The following NCAPG variants were observed in gnomAD, a reference collection of about 807,000 sequenced individuals.
NCAPG encodes the protein condensin complex subunit 3.
NCAPG carries 69 observed loss-of-function variants against 113.1 expected under a neutral mutation model. That is an observed-to-expected ratio of 0.61 (90% CI 0.50 to 0.75). NCAPG has a LOEUF of 0.75. NCAPG is among the 30% of genes least tolerant of loss of function. NCAPG has a pLI of 0.00. For synonymous variants in NCAPG, 370 were observed against 415.8 expected, an observed-to-expected ratio of 0.89 and a Z score of 1.34; for missense variants, 1,058 against 1,177.0, an observed-to-expected ratio of 0.90 and a Z score of 1.48.
At chr4:17,842,894 T>TG (rs750889737) in intron 20 of NCAPG, 26 of 162,286 alleles carry the variant, frequency 1.6e-4, no homozygotes, top group African/African-American at 2.2e-4. Flanking sequence ...TTGTCTTTTT[T>TG]GGGGGGAAAC....
At position 17,813,007 on chromosome 4, in the gene NCAPG, G is replaced by C. The variant is rs1721060894; in HGVS notation, c.406G>C (p.Asp136His). The part of the protein sequence containing the change: ...LGSMPENAQI[D>H]DDVFDKINKA... ...AAGTATGCCAGAAAATGCTCAGATT[G>C]ATGATGATGTGTTTGATAAAATTAA... The change falls in exon 3 of 21, where the codon GAT becomes CAT. Residue 136 changes from aspartate to histidine, a missense_variant. Asp to His is a moderately conservative substitution (Grantham distance 81). Coordinates refer to ENST00000251496, the MANE Select transcript of NCAPG (RefSeq NM_022346.5). The C allele has an allele frequency of 1.2e-6, 2 of 1,613,992 alleles. No homozygotes were observed. Among genetic ancestry groups the C allele is most frequent in the Non-Finnish European group, 1.7e-6 (2 of 1,179,934 alleles).
intron 7 of NCAPG, among the ~76,000 whole-genome samples, chr4:17,818,514 C>T (rs1179976849): frequency 6.6e-6 from 1 of 152,106 alleles, no homozygotes; most frequent in Admixed American, 6.5e-5. Flanking sequence ...TTCAATAAAA[C>T]TTTTATTGAC....
intron 13 of NCAPG, among the ~76,000 whole-genome samples, chr4:17,833,456 C>T (rs1721952616): frequency 7.0e-6 from 1 of 141,890 alleles, no homozygotes; most frequent in African/African-American, 2.9e-5. Context: ...GACACTCCAT[C>T]TCAAAAAAAA....
chr4:17,839,386 G>C lies in NCAPG; in HGVS notation c.2467-290G>C, dbSNP rs145867719. Reference sequence around the variant, plus strand: ...ACCAAAGTCCACCATTGTCAGCCTGGATCAGTACTGCAGCTGGGAACTTTT... The same window carrying C: ...ACCAAAGTCCACCATTGTCAGCCTGCATCAGTACTGCAGCTGGGAACTTTT... On this transcript the variant is annotated intron_variant, in intron 16 of 20. Transcript: ENST00000251496. Among the ~76,000 whole-genome samples, 991 of 152,248 alleles carry C rather than the reference G, an allele frequency of 6.5e-3. 16 individuals are homozygous for C. The highest frequency in any genetic ancestry group is 0.023 in the African/African-American group (953 of 41,542).
intron 11 of NCAPG, among the ~76,000 whole-genome samples, chr4:17,827,805 CTTTT>C (rs757341298): frequency 4.0e-5 from 5 of 126,212 alleles, no homozygotes; most frequent in African/African-American, 3.0e-5. Flanking sequence ...GAAGATTAGA[CTTTT>C]TTTTTTTTTT....
chr4:17,844,259 C>CTT lies in NCAPG; in HGVS notation c.*835_*836dup, dbSNP rs1358350634. On this transcript the variant is annotated 3_prime_UTR_variant, in exon 21 of 21. Transcript: ENST00000251496. Reference sequence around the variant, plus strand: ...CATTTCTTGTCTTTTGAAATTGACACTTGGCCTGACTTACGAAACTTGTAC... The same window carrying CTT: ...CATTTCTTGTCTTTTGAAATTGACACTTTTGGCCTGACTTACGAAACTTGTAC... The CTT allele has an allele frequency of 4.6e-5, 7 of 152,524 alleles. No individual in the cohort carries two copies. The East Asian group carries it at 1.4e-3, about 29-fold the overall frequency. The allele number at this position is 152,524 out of a possible 1,614,324, so 9.4% of individuals were successfully genotyped here.
At position 17,843,561 on chromosome 4, in the gene NCAPG, T is replaced by C. The variant is rs1685212985; in HGVS notation, c.*136T>C. ...TTCTGCTGTGCGCTTCCACGTTACT[T>C]TGGCCTGTATTAAAGCAGTAGAGCA... On this transcript the variant is annotated 3_prime_UTR_variant, in exon 21 of 21. Transcript: ENST00000251496. 4.3e-6 allele frequency: 4 copies of C among 935,768 alleles called. No individual in the cohort carries two copies. Among genetic ancestry groups the C allele is most frequent in the Non-Finnish European group, 6.4e-6 (4 of 623,520 alleles). The allele number at this position is 935,768 out of a possible 1,614,324, so 58.0% of individuals were successfully genotyped here. A position where few individuals can be genotyped will look rare whatever the true frequency, so the allele number is the denominator to read the frequency against.
At chr4:17,817,878 T>C (rs1721278787) in intron 6 of NCAPG, 61 bp from the exon 7 acceptor site, 1 of 1,476,680 alleles carries the variant, frequency 6.8e-7, no homozygotes, top group Non-Finnish European at 9.1e-7. Context: ...ATTTTTGTAC[T>C]CTTCAATTCT....
At position 17,831,103 on chromosome 4, in the gene NCAPG, T is replaced by G. The variant is rs1721853453; in HGVS notation, c.1871T>G (p.Val624Gly). The change falls in exon 13 of 21, where the codon GTA becomes GGA. Residue 624 changes from valine (V) to glycine (G), a missense_variant. Physicochemically the swap from Val to Gly is moderately radical, Grantham distance 109. Coordinates refer to ENST00000251496, the MANE Select transcript of NCAPG (RefSeq NM_022346.5). ...QNQDFARKHF[V>G]LLLQVLQIDD... Reference sequence around the variant, plus strand: ...CAGGATTTTGCAAGGAAACACTTCGTATTACTATTGCAGGTAGGATTTATC... The same window carrying G: ...CAGGATTTTGCAAGGAAACACTTCGGATTACTATTGCAGGTAGGATTTATC... 6.2e-7 allele frequency: 1 copy of G among 1,612,940 alleles called. No homozygotes were observed. Among genetic ancestry groups the G allele is most frequent in the Admixed American group, 1.7e-5 (1 of 59,764 alleles).
chr4:17,837,249 A>T lies in NCAPG; in HGVS notation c.2200A>T (p.Ile734Phe), dbSNP rs749911596. 3 of 1,613,822 alleles carry T rather than the reference A, an allele frequency of 1.9e-6. No homozygotes were observed. The African/African-American group carries it at 4.0e-5, about 22-fold the overall frequency. ...CAGCAGCAGGATTCTTTCTCGTCTTATTTTGTTATGGTACAATCCTGTGAC... is the reference window on the plus strand; with the variant it reads ...CAGCAGCAGGATTCTTTCTCGTCTTTTTTTGTTATGGTACAATCCTGTGAC... ...LVSSRILSRL[I>F]LLWYNPVTEE... Residue 734 changes from isoleucine to phenylalanine, a missense_variant, in exon 15 of 21, where the codon ATT becomes TTT. Ile to Phe is a conservative substitution (Grantham distance 21). Coordinates refer to ENST00000251496, the MANE Select transcript of NCAPG (RefSeq NM_022346.5).
At chr4:17,825,107 A>T in intron 10 of NCAPG, 50 bp downstream of exon 10, 3 of 1,361,666 alleles carry the variant, frequency 2.2e-6, no homozygotes, top group Non-Finnish European at 3.1e-6. Context: ...GTAGCTGGGC[A>T]AGTCTATTCT....
At chr4:17,831,443 A>C (rs1721866301) in intron 13 of NCAPG, among the ~76,000 whole-genome samples, 1 of 152,194 alleles carries the variant, frequency 6.6e-6, no homozygotes, top group South Asian at 2.1e-4. Context: ...TGTTGTCTTA[A>C]TGGAGCTTAC....
chr4:17,830,162 A>C (rs1189949412), intron 12 of NCAPG, among the ~76,000 whole-genome samples: 2 of 152,146 alleles, frequency 1.3e-5, no homozygotes, highest in African/African-American at 2.4e-5. Flanking sequence ...TGGGAGGCCA[A>C]GGCGGGATGG....
chr4:17,824,940 T>C, intron 9 of NCAPG, 28 bp from the exon 10 acceptor site: 3 of 1,513,670 alleles, frequency 2.0e-6, no homozygotes, highest in Non-Finnish European at 2.7e-6. Context: ...ATCAAACATA[T>C]ATTAAAGCAT....
chr4:17,839,752 G>A lies in NCAPG; in HGVS notation c.2543G>A (p.Arg848Gln), dbSNP rs901821416. The A allele has an allele frequency of 3.8e-6, 6 of 1,584,438 alleles. No homozygotes were observed. The highest frequency in any genetic ancestry group is 4.0e-5 in the Admixed American group (2 of 49,502). Residue 848 changes from arginine to glutamine, a missense_variant, in exon 17 of 21, where the codon CGA becomes CAA. Coordinates refer to ENST00000251496, the MANE Select transcript of NCAPG (RefSeq NM_022346.5). The stretch of plus-strand genomic sequence containing the variant: ...ACAAGTCCGTGCTCGCCAGAAATTC[G>A]AGTCTATACAAAAGCCTTGAGTTCT... ...ILTSPCSPEI[R>Q]VYTKALSSLE... is the part of the protein sequence containing the mutation.
At chr4:17,813,349 TC>T (rs1379612605) in intron 3 of NCAPG, 4 of 403,874 alleles carry the variant, frequency 9.9e-6, no homozygotes, top group Non-Finnish European at 1.8e-5. Context: ...TGCATCCCTG[TC>T]CCTCAGAAGT....
intron 19 of NCAPG, 40 bp downstream of exon 19, chr4:17,840,733 A>C: frequency 7.9e-7 from 1 of 1,271,530 alleles, no homozygotes; most frequent in Non-Finnish European, 1.1e-6. Context: ...AAAAGTTTTA[A>C]ATTTTATCTT....
intron 7 of NCAPG, among the ~76,000 whole-genome samples, chr4:17,821,111 G>A (rs964396047): frequency 2.0e-5 from 3 of 151,770 alleles, no homozygotes; most frequent in East Asian, 1.9e-4. Flanking sequence ...ACAACTGTTT[G>A]AATTTACTTA....
Position 17,823,140 on chromosome 4 carries a change from A to T in NCAPG, c.1259+17A>T, listed in dbSNP as rs370528295. 1.2e-5 allele frequency: 19 copies of T among 1,595,868 alleles called. No individual in the cohort carries two copies. In the African/African-American group the frequency reaches 2.4e-4, roughly 20 times the overall value. On this transcript the variant is annotated intron_variant, in intron 8 of 20. Coordinates refer to ENST00000251496, the MANE Select transcript of NCAPG (RefSeq NM_022346.5). ...AGGAGGAAGGTATGTCTAAATGTTA[A>T]CACTCATTCTAATTTGCCCTTCTAA... is the stretch of plus-strand genomic sequence containing the variant.
Sources: gnomAD v4.1 joint callset for allele counts (sites outside exome capture counted in the v4.1 genomes callset) on GRCh38, gnomAD v4.1.1 for gene constraint, MANE v1.5 for transcripts, NCBI Gene and HGNC (gene_info 2026-07-23, HGNC 2026-07-21) for gene names.